Variants in DCAF6 observed in about 807,000 individuals in gnomAD.
The protein encoded by DCAF6 is DDB1- and CUL4-associated factor 6.
DCAF6 carries 54 observed loss-of-function variants against 125.1 expected under a neutral mutation model. The ratio of observed to expected loss-of-function variants is 0.43; its 90% CI spans 0.35 to 0.54. DCAF6 has a LOEUF of 0.54. Among genes scored for constraint, DCAF6 ranks in the 20% least tolerant of loss-of-function variants. DCAF6 has a pLI of 0.01. For synonymous variants in DCAF6, 371 were observed against 390.4 expected (o/e 0.95, Z 0.58); for missense variants, 934 against 1,161.7 (o/e 0.80, Z 2.85).
At chr1:167,958,329 C>G (rs1383315385) in intron 2 of DCAF6, among the ~76,000 whole-genome samples, 1 of 149,436 alleles carries the variant, frequency 6.7e-6, no homozygotes, top group Non-Finnish European at 1.5e-5. Flanking sequence ...AGTAGGGGTC[C>G]AAGGTGTTTT....
At chr1:167,999,981 C>T (rs1262232895) in intron 7 of DCAF6, among the ~76,000 whole-genome samples, 3 of 152,182 alleles carry the variant, frequency 2.0e-5, no homozygotes, top group African/African-American at 7.2e-5. Flanking sequence ...TTTCAACATG[C>T]TTTCCTCACT....
intron 10 of DCAF6, among the ~76,000 whole-genome samples, chr1:168,008,523 A>G (rs371337853): frequency 9.9e-5 from 15 of 152,096 alleles, no homozygotes; most frequent in Middle Eastern, 3.4e-3. Flanking sequence ...GCCTGTACCT[A>G]CTGTTGTTCC....
chr1:167,904,946 G>A, the DCAF6 span: 170 of 1,613,846 alleles, frequency 1.1e-4, no homozygotes, highest in African/African-American at 4.8e-4. Flanking sequence ...ATTCCCACGC[G>A]AGCCTGTTGC....
intron 1 of DCAF6, chr1:167,937,350 CTTTTGCTCT>C (rs1044844176): frequency 3.6e-6 from 1 of 274,932 alleles, no homozygotes; most frequent in African/African-American, 2.3e-5. Flanking sequence ...AAAGTTAGCT[CTTTTGCTCT>C]TTTCCAGCGC....
the DCAF6 span, chr1:167,904,130 C>T: frequency 6.8e-6 from 4 of 587,552 alleles, no homozygotes; most frequent in Non-Finnish European, 1.2e-5. Context: ...CTTTGTAGCC[C>T]AGGCTGGAGG....
At chr1:168,069,959 G>A (rs1692824009) in intron 21 of DCAF6, among the ~76,000 whole-genome samples, 2 of 151,992 alleles carry the variant, frequency 1.3e-5, no homozygotes, top group South Asian at 4.1e-4. Flanking sequence ...AACGTTTACT[G>A]GTAATGACAC....
the DCAF6 span, among the ~76,000 whole-genome samples, chr1:167,888,893 A>G: frequency 4.0e-5 from 6 of 151,522 alleles, no homozygotes; most frequent in African/African-American, 1.5e-4. Context: ...AAAAAAAAGA[A>G]AAAGAAAGAA....
rs149472711 is a variant in DCAF6, at chr1:167,953,131, T to A, written c.159+1270T>A. The stretch of plus-strand genomic sequence containing the variant: ...GTTTTTTCGGTATTAATCTAATATA[T>A]AGTCCATATTTTCTTTGTTTTAAAA... On this transcript the variant is annotated intron_variant, in intron 2 of 21. Coordinates refer to ENST00000367840, the MANE Select transcript of DCAF6 (RefSeq NM_001198956.2). 2.0e-3 allele frequency among the ~76,000 whole-genome samples: 298 copies of A among 152,344 alleles called. 1 individual carries two copies. The highest frequency in any genetic ancestry group is 6.9e-3 in the African/African-American group (288 of 41,578).
At chr1:167,994,169 A>G (rs1439451427) in intron 7 of DCAF6, among the ~76,000 whole-genome samples, 1 of 152,086 alleles carries the variant, frequency 6.6e-6, no homozygotes, top group Non-Finnish European at 1.5e-5. Flanking sequence ...TACTATTTCT[A>G]AAACCTTATC....
chr1:167,894,048 G>T, the DCAF6 span: 1 of 762,674 alleles, frequency 1.3e-6, no homozygotes, highest in Non-Finnish European at 2.3e-6. Flanking sequence ...GGGCCTTCTT[G>T]TCCTTACAGT....
intron 16 of DCAF6, among the ~76,000 whole-genome samples, chr1:168,045,616 CT>C (rs1191700625): frequency 6.6e-6 from 1 of 152,032 alleles, no homozygotes; most frequent in Non-Finnish European, 1.5e-5. Context: ...TTAATTTTTT[CT>C]GCTTTTCTAT....
intron 5 of DCAF6, among the ~76,000 whole-genome samples, chr1:167,990,852 A>G (rs1436045753): frequency 6.6e-6 from 1 of 152,062 alleles, no homozygotes; most frequent in Non-Finnish European, 1.5e-5. Flanking sequence ...GTATTTTCAT[A>G]TTTTTTCTTA....
At chr1:167,866,977 C>G in the DCAF6 span, among the ~76,000 whole-genome samples, 7 of 152,162 alleles carry the variant, frequency 4.6e-5, no homozygotes, top group African/African-American at 1.7e-4. Context: ...TAAAGTCCCC[C>G]CCATGCTGTG....
the DCAF6 span, among the ~76,000 whole-genome samples, chr1:167,877,083 T>G: frequency 6.6e-6 from 1 of 151,964 alleles, no homozygotes; most frequent in Non-Finnish European, 1.5e-5. Flanking sequence ...TGTTTATTTT[T>G]GCACACCACT....
the DCAF6 span, among the ~76,000 whole-genome samples, chr1:167,885,759 C>T: frequency 6.6e-5 from 10 of 151,982 alleles, no homozygotes; most frequent in East Asian, 3.9e-4. Context: ...GGATTACAGG[C>T]GCCCACCACT....
intron 11 of DCAF6, chr1:168,019,528 C>CT (rs952553578): frequency 1.5e-5 from 7 of 455,622 alleles, no homozygotes; most frequent in Non-Finnish European, 2.2e-5. Flanking sequence ...AAGCCCAACT[C>CT]TTTTTTTCCA....
chr1:167,919,208 G>T, the DCAF6 span, among the ~76,000 whole-genome samples: 3 of 152,168 alleles, frequency 2.0e-5, no homozygotes, highest in Admixed American at 2.0e-4. Flanking sequence ...AAACACTTAA[G>T]TTCACAAACG....
intron 2 of DCAF6, among the ~76,000 whole-genome samples, chr1:167,954,741 C>T (rs887958034): frequency 3.3e-5 from 5 of 152,092 alleles, no homozygotes; most frequent in Admixed American, 6.5e-5. Flanking sequence ...CGTGAGCCAC[C>T]GCACCCGGCA....
the DCAF6 span, among the ~76,000 whole-genome samples, chr1:167,902,530 T>C: frequency 6.6e-6 from 1 of 152,250 alleles, no homozygotes; most frequent in African/African-American, 2.4e-5. Flanking sequence ...ATTTTGTTTA[T>C]TTAGACGGTA....
Sources: allele counts gnomAD v4.1 joint callset (sites outside exome capture counted in the v4.1 genomes callset), GRCh38; gene constraint gnomAD v4.1.1; transcripts MANE v1.5; gene names NCBI Gene and HGNC (gene_info 2026-07-23, HGNC 2026-07-21).